CLEC16A: variants seen among roughly 807,000 people sequenced by gnomAD.
CLEC16A encodes the protein C-type lectin domain containing 16A.
CLEC16A carries 51 observed loss-of-function variants against 109.5 expected under a neutral mutation model. The observed-to-expected ratio is 0.47, with a 90% CI of 0.37 to 0.59. The LOEUF is 0.59. Among genes scored for constraint, CLEC16A ranks in the 20% least tolerant of loss-of-function variants. CLEC16A has a pLI of 0.00. For missense variants in CLEC16A, 1,339 were observed against 1,394.0 expected, an observed-to-expected ratio of 0.96 and a Z score of 0.63; for synonymous variants, 673 against 564.2, an observed-to-expected ratio of 1.19 and a Z score of -2.73.
chr16:11,057,854 C>T (rs1333290193), intron 18 of CLEC16A, among the ~76,000 whole-genome samples: 1 of 152,186 alleles, frequency 6.6e-6, no homozygotes, highest in African/African-American at 2.4e-5. Flanking sequence ...CTTGGGCAGG[C>T]TGCCTGTCAT....
At chr16:11,043,856 A>G (rs901924920) in intron 15 of CLEC16A, among the ~76,000 whole-genome samples, 172 bp from the exon 16 acceptor site, 1 of 151,940 alleles carries the variant, frequency 6.6e-6, no homozygotes, top group South Asian at 2.1e-4. Context: ...CCTGGGTGAC[A>G]GAACAAGACT....
At position 11,073,114 on chromosome 16, in the gene CLEC16A, A is replaced by G. The variant is rs551418914; in HGVS notation, c.2116+12092A>G. On this transcript the variant is annotated intron_variant, in intron 19 of 23. Transcript: ENST00000409790. ...GACTCTGAAGTGGACTAATGTTAACATGAAACCCAAGAGGCAAGTATGTAC... is the reference window on the plus strand; with the variant it reads ...GACTCTGAAGTGGACTAATGTTAACGTGAAACCCAAGAGGCAAGTATGTAC... 1.4e-3 allele frequency among the ~76,000 whole-genome samples: 214 copies of G among 152,326 alleles called. 1 individual carries two copies. The highest frequency in any genetic ancestry group is 4.8e-3 in the African/African-American group (200 of 41,574).
chr16:11,080,038 G>A (rs780565213), intron 19 of CLEC16A, among the ~76,000 whole-genome samples: 3 of 152,184 alleles, frequency 2.0e-5, no homozygotes, highest in Admixed American at 6.5e-5. Flanking sequence ...TCCTATCATA[G>A]CACAGTAACC....
chr16:11,114,983 T>C (rs2153010693), intron 19 of CLEC16A, among the ~76,000 whole-genome samples: 1 of 152,372 alleles, frequency 6.6e-6, no homozygotes, highest in South Asian at 2.1e-4. Context: ...AGGGCTTTGA[T>C]GTCTCAATTA....
At chr16:10,988,375 G>C (rs1478278604) in intron 10 of CLEC16A, among the ~76,000 whole-genome samples, 1 of 152,152 alleles carries the variant, frequency 6.6e-6, no homozygotes, top group Non-Finnish European at 1.5e-5. Context: ...GGAACGACCT[G>C]ACCCCTGCCC....
intron 13 of CLEC16A, among the ~76,000 whole-genome samples, 159 bp from the exon 14 acceptor site, chr16:11,039,595 C>G (rs1453540064): frequency 6.6e-6 from 1 of 151,872 alleles, no homozygotes; most frequent in East Asian, 1.9e-4. Context: ...AATCCTGTCT[C>G]TATTAAAAAC....
chr16:11,012,035 C>T (rs186355441), intron 11 of CLEC16A, among the ~76,000 whole-genome samples: 238 of 152,264 alleles, frequency 1.6e-3, no homozygotes, highest in Non-Finnish European at 2.9e-3. Flanking sequence ...ATGCCCACCC[C>T]AATACTTTAC....
chr16:11,126,284 T>C (rs2052812592), intron 22 of CLEC16A, 138 bp downstream of exon 22: 1 of 1,548,980 alleles, frequency 6.5e-7, no homozygotes. Context: ...TTCTTAGAAT[T>C]TGTCAAAGCA....
At chr16:11,150,955 T>C (rs1417466265) in intron 22 of CLEC16A, among the ~76,000 whole-genome samples, 1 of 152,170 alleles carries the variant, frequency 6.6e-6, no homozygotes, top group Non-Finnish European at 1.5e-5. Flanking sequence ...TGCGTCCAAA[T>C]TTTCATTTTT....
At chr16:11,129,086 C>T (rs771287262) in intron 22 of CLEC16A, among the ~76,000 whole-genome samples, 2 of 152,128 alleles carry the variant, frequency 1.3e-5, no homozygotes, top group Non-Finnish European at 2.9e-5. Context: ...CTCACTCTAG[C>T]CCCAACCCCA....
chr16:11,135,977 A>T (rs183623182), intron 22 of CLEC16A: 1 of 152,208 alleles, frequency 6.6e-6, no homozygotes, highest in Non-Finnish European at 1.5e-5. Flanking sequence ...GAACTTACCA[A>T]ATCTTCCCAC....
chr16:11,043,998 C>G, intron 15 of CLEC16A, 30 bp from the exon 16 acceptor site: 1 of 1,579,264 alleles, frequency 6.3e-7, no homozygotes, highest in African/African-American at 1.4e-5. Context: ...TGAGACCTGC[C>G]TCCTTCACAC....
intron 23 of CLEC16A, among the ~76,000 whole-genome samples, chr16:11,173,700 C>G (rs1241006854): frequency 6.6e-6 from 1 of 152,178 alleles, no homozygotes; most frequent in Admixed American, 6.5e-5. Context: ...GCCAGTCCTC[C>G]AGCCACACAC....
intron 10 of CLEC16A, among the ~76,000 whole-genome samples, chr16:10,992,387 G>T (rs1366087001): frequency 1.3e-5 from 2 of 151,910 alleles, no homozygotes; most frequent in African/African-American, 4.8e-5. Context: ...CTGGAAGACA[G>T]AGTTTTGAAT....
intron 19 of CLEC16A, among the ~76,000 whole-genome samples, chr16:11,081,974 G>A (rs540224680): frequency 3.6e-4 from 55 of 152,324 alleles, no homozygotes; most frequent in African/African-American, 1.1e-3. Flanking sequence ...AGAGGTTGCA[G>A]TGAGCCAAGA....
chr16:11,140,714 C>G (rs962622007), intron 22 of CLEC16A, among the ~76,000 whole-genome samples: 1 of 152,228 alleles, frequency 6.6e-6, no homozygotes, highest in Non-Finnish European at 1.5e-5. Flanking sequence ...CATCAGTGCA[C>G]CTGCTGTGCC....
Position 10,973,752 on chromosome 16 carries a change from G to A in CLEC16A, c.728+691G>A, listed in dbSNP as rs200602074. Among the ~76,000 whole-genome samples the A allele has an allele frequency of 5.3e-5, 8 of 151,788 alleles. No homozygotes were observed. The East Asian group carries it at 1.5e-3, about 29-fold the overall frequency. On this transcript the variant is annotated intron_variant, in intron 7 of 23. Coordinates refer to ENST00000409790, the MANE Select transcript of CLEC16A (RefSeq NM_015226.3). ...GCCCAGCTAATTTTTTTGATTTTTA[G>A]TAGAGATGGGGTTTCGTCATGTTGC...
intron 3 of CLEC16A, among the ~76,000 whole-genome samples, chr16:10,964,273 C>G (rs1267411890): frequency 1.3e-5 from 2 of 152,260 alleles, no homozygotes; most frequent in African/African-American, 4.8e-5. Flanking sequence ...CGACTCCTGT[C>G]TCCCTAAATG....
At chr16:11,112,935 G>A (rs916606736) in intron 19 of CLEC16A, among the ~76,000 whole-genome samples, 3 of 152,112 alleles carry the variant, frequency 2.0e-5, no homozygotes, top group Non-Finnish European at 4.4e-5. Flanking sequence ...CTTCCACCTG[G>A]GCCCTGAACT....
Sources: allele counts gnomAD v4.1 joint callset (sites outside exome capture counted in the v4.1 genomes callset), GRCh38; gene constraint gnomAD v4.1.1; transcripts MANE v1.5; gene names NCBI Gene and HGNC (gene_info 2026-07-23, HGNC 2026-07-21).